TET1: variants seen among roughly 807,000 people sequenced by gnomAD.
The protein encoded by TET1 is methylcytosine dioxygenase TET1.
A neutral mutation model predicts 148.7 loss-of-function variants in TET1; 13 were observed. The observed-to-expected ratio is 0.09, with a 90% CI of 0.06 to 0.14. The LOEUF is 0.14. TET1 is among the 10% of genes least tolerant of loss of function. TET1 has a pLI of 1.00. For missense variants in TET1, 2,182 were observed against 2,553.8 expected (o/e 0.85, Z 3.14); for synonymous variants, 907 against 937.2 (o/e 0.97, Z 0.59).
chr10:68,638,634 T>C (rs2054690478), intron 3 of TET1, among the ~76,000 whole-genome samples: 1 of 152,214 alleles, frequency 6.6e-6, no homozygotes, highest in Non-Finnish European at 1.5e-5. Flanking sequence ...AAGGTCTTAC[T>C]TGACCATGTC....
chr10:68,581,336 T>G (rs534604910), intron 2 of TET1, among the ~76,000 whole-genome samples: 1 of 152,314 alleles, frequency 6.6e-6, no homozygotes, highest in South Asian at 2.1e-4. Flanking sequence ...TGCTTTCGGT[T>G]AGGGTTTTCC....
rs149050483 is a variant in TET1 at position 68,599,270 on chromosome 10, C to T, written c.1915-1711C>T. On this transcript the variant is annotated intron_variant, in intron 2 of 11. Transcript: ENST00000373644. ...AGCCGGGGAGGCCCTCCTGCCAATC[C>T]CCGAAATGTGCTGCTGAAACTTTGG... Among the ~76,000 whole-genome samples the T allele has an allele frequency of 6.0e-3, 913 of 152,306 alleles. 4 individuals are homozygous for T. The highest frequency in any genetic ancestry group is 9.5e-3 in the Non-Finnish European group (645 of 68,024).
intron 3 of TET1, among the ~76,000 whole-genome samples, chr10:68,628,860 T>C (rs1324143446): frequency 6.6e-6 from 1 of 152,190 alleles, no homozygotes; most frequent in East Asian, 1.9e-4. Flanking sequence ...AGGTGCAGAA[T>C]GCAGCCTGAA....
At chr10:68,565,072 A>G (rs1001695620) in intron 1 of TET1, among the ~76,000 whole-genome samples, 3 of 152,196 alleles carry the variant, frequency 2.0e-5, no homozygotes, top group Non-Finnish European at 2.9e-5. Context: ...ATCAGTTTTT[A>G]TCAGAAATGA....
At chr10:68,567,114 A>G (rs1026827140) in intron 1 of TET1, among the ~76,000 whole-genome samples, 1 of 152,140 alleles carries the variant, frequency 6.6e-6, no homozygotes, top group Non-Finnish European at 1.5e-5. Flanking sequence ...TCTGCTACCC[A>G]TGTCCCCTGA....
At chr10:68,600,163 A>C (rs1564960978) in intron 2 of TET1, among the ~76,000 whole-genome samples, 1 of 152,136 alleles carries the variant, frequency 6.6e-6, no homozygotes, top group Non-Finnish European at 1.5e-5. Context: ...TGCCTTATAA[A>C]GTAAAAATGC....
rs189675811 is a variant in TET1, at chr10:68,635,110, A to G, written c.1969-9588A>G. Among the ~76,000 whole-genome samples the G allele has an allele frequency of 1.1e-3, 168 of 150,438 alleles. 1 individual carries two copies. Among genetic ancestry groups the G allele is most frequent in the African/African-American group, 3.9e-3 (159 of 41,174 alleles). ...GCCTGGCGCAATATATATATATAATATATATATTTTTTCCAATATTCTTTT... is the reference window on the plus strand; with the variant it reads ...GCCTGGCGCAATATATATATATAATGTATATATTTTTTCCAATATTCTTTT... On this transcript the variant is annotated intron_variant, in intron 3 of 11. Transcript: ENST00000373644.
At chr10:68,574,560 T>G (rs1398304230) in intron 2 of TET1, among the ~76,000 whole-genome samples, 1 of 152,172 alleles carries the variant, frequency 6.6e-6, no homozygotes, top group Admixed American at 6.5e-5. Flanking sequence ...TGAAATGTGT[T>G]TTTGCAGAGA....
At chr10:68,593,844 C>G (rs896195771) in intron 2 of TET1, among the ~76,000 whole-genome samples, 1 of 150,944 alleles carries the variant, frequency 6.6e-6, no homozygotes, top group African/African-American at 2.4e-5. Context: ...CAACTCCTGA[C>G]CTCAGGCGAT....
chr10:68,681,764 C>T (rs2055436981), intron 9 of TET1, among the ~76,000 whole-genome samples: 1 of 152,066 alleles, frequency 6.6e-6, no homozygotes, highest in African/African-American at 2.4e-5. Context: ...GTCAGGAGTT[C>T]AAGAATAGCC....
chr10:68,675,795 A>G (rs767010592), intron 8 of TET1, among the ~76,000 whole-genome samples: 3 of 152,116 alleles, frequency 2.0e-5, no homozygotes, highest in Non-Finnish European at 2.9e-5. Flanking sequence ...CCCAAGATCA[A>G]TGACAGTCCC....
At chr10:68,583,145 C>T (rs1055397616) in intron 2 of TET1, among the ~76,000 whole-genome samples, 7 of 152,146 alleles carry the variant, frequency 4.6e-5, no homozygotes, top group Admixed American at 3.9e-4. Flanking sequence ...ATATTGAGCA[C>T]CCTATTATCG....
chr10:68,603,040 A>C (rs1251281167), intron 3 of TET1, among the ~76,000 whole-genome samples: 1 of 152,158 alleles, frequency 6.6e-6, no homozygotes, highest in Non-Finnish European at 1.5e-5. Flanking sequence ...TTTGGGAGGG[A>C]GAGTGGGAGA....
chr10:68,585,719 A>C (rs1444546494), intron 2 of TET1, among the ~76,000 whole-genome samples: 4 of 152,084 alleles, frequency 2.6e-5, no homozygotes, highest in Non-Finnish European at 1.5e-5. Flanking sequence ...ACTTAAAAAA[A>C]ATTTTTTTGG....
chr10:68,631,446 T>C (rs1234308639), intron 3 of TET1, among the ~76,000 whole-genome samples: 1 of 148,424 alleles, frequency 6.7e-6, no homozygotes, highest in African/African-American at 2.5e-5. Flanking sequence ...TTTTTTTTTT[T>C]TTTTTTTTTG....
At position 68,572,276 on chromosome 10, in the gene TET1, G is replaced by C. The variant is rs968935116; in HGVS notation, c.-63G>C. On this transcript the variant is annotated 5_prime_UTR_variant, in exon 2 of 12. Coordinates refer to ENST00000373644, the MANE Select transcript of TET1 (RefSeq NM_030625.3). ...GCATCCAGATTCTCCTCAGAAGTGA[G>C]ACTTTCCAAAGGACCAATGACTCTG... The C allele has an allele frequency of 2.1e-6, 3 of 1,417,524 alleles. No individual in the cohort carries two copies. Among genetic ancestry groups the C allele is most frequent in the East Asian group, 2.3e-5 (1 of 42,708 alleles). The allele number at this position is 1,417,524 out of a possible 1,614,324, so 87.8% of individuals were successfully genotyped here.
intron 1 of TET1, among the ~76,000 whole-genome samples, chr10:68,568,217 CTTTTTT>C (rs566751115): frequency 4.3e-5 from 4 of 93,810 alleles, no homozygotes; most frequent in Non-Finnish European, 6.2e-5. Context: ...CGCGCCCAGT[CTTTTTT>C]TTTTTTTTTT....
intron 3 of TET1, among the ~76,000 whole-genome samples, chr10:68,640,497 C>T (rs1198618028): frequency 3.5e-5 from 5 of 141,824 alleles, no homozygotes; most frequent in Non-Finnish European, 7.5e-5. Flanking sequence ...CTCCTGAACT[C>T]GTGAGCCACT....
At chr10:68,638,032 A>G (rs10998356) in intron 3 of TET1, among the ~76,000 whole-genome samples, 73,342 of 151,960 alleles carry the variant, frequency 0.48, 18,851 homozygotes, top group Non-Finnish European at 0.58. Context: ...CACTCACTGC[A>G]GCTTCCAAAC....
Sources: allele counts gnomAD v4.1 joint callset (sites outside exome capture counted in the v4.1 genomes callset), GRCh38; gene constraint gnomAD v4.1.1; transcripts MANE v1.5; gene names NCBI Gene and HGNC (gene_info 2026-07-23, HGNC 2026-07-21).